Variants in PUS7 observed in about 807,000 individuals in gnomAD.
The protein encoded by PUS7 is pseudouridine synthase 7, also known as pseudouridylate synthase 7 homolog.
PUS7 carries 48 observed loss-of-function variants against 79.8 expected under a neutral mutation model. The observed-to-expected ratio is 0.60, with a 90% CI of 0.48 to 0.76. The LOEUF (loss-of-function observed/expected upper bound fraction) is 0.76, where lower values mean the gene tolerates loss of function less well. Among genes scored for constraint, PUS7 ranks in the 30% least tolerant of loss-of-function variants. The pLI, the probability that PUS7 is intolerant of heterozygous loss-of-function variation, is 0.00. For synonymous variants in PUS7, 286 were observed against 272.2 expected (o/e 1.05, Z -0.50); for missense variants, 729 against 797.6 (o/e 0.91, Z 1.04).
At chr7:105,512,849 C>A (rs1383767710) in intron 1 of PUS7, among the ~76,000 whole-genome samples, 1 of 152,132 alleles carries the variant, frequency 6.6e-6, no homozygotes, top group Non-Finnish European at 1.5e-5. Flanking sequence ...ATAATCTGAT[C>A]TAAGGCTGAA....
chr7:105,483,357 G>T (rs998850545), intron 7 of PUS7, among the ~76,000 whole-genome samples: 3 of 152,004 alleles, frequency 2.0e-5, no homozygotes, highest in Non-Finnish European at 4.4e-5. Context: ...TACAGATGGG[G>T]TTTCACCATG....
At chr7:105,508,048 A>C (rs1825542058) in intron 2 of PUS7, 67 bp downstream of exon 2, 2 of 1,482,048 alleles carry the variant, frequency 1.3e-6, no homozygotes, top group Non-Finnish European at 1.8e-6. Context: ...AAGAATATAA[A>C]GCTAATTTCT....
rs148762138 is a variant in PUS7 at position 105,501,024 on chromosome 7, G to A, written c.730+1396C>T. ...CCTCTGATCTCCACCTCTTCCTCTG[G>A]AACTGCTCAGGTATCTCATCTCTAT... is the stretch of plus-strand genomic sequence containing the variant. On this transcript the variant is annotated intron_variant, in intron 5 of 15. Coordinates refer to ENST00000469408, the MANE Select transcript of PUS7 (RefSeq NM_019042.5). Among the ~76,000 whole-genome samples, 174 of 152,226 alleles carry A rather than the reference G, an allele frequency of 1.1e-3. 2 individuals are homozygous for A. Among genetic ancestry groups the A allele is most frequent in the African/African-American group, 4.0e-3 (167 of 41,544 alleles).
At position 105,479,221 on chromosome 7, in the gene PUS7, T is replaced by C. The variant is rs547182737; in HGVS notation, c.1175+1831A>G. Among the ~76,000 whole-genome samples, 6 of 152,308 alleles carry C rather than the reference T, an allele frequency of 3.9e-5. No homozygotes were observed. In the South Asian group the frequency reaches 1.2e-3, roughly 32 times the overall value. Reference sequence around the variant, plus strand: ...AGTAATTTAAGCCTCAGAACTCAAGTCTGTTTTCACCTGAGCTTTTTAACC... The same window carrying C: ...AGTAATTTAAGCCTCAGAACTCAAGCCTGTTTTCACCTGAGCTTTTTAACC... On this transcript the variant is annotated intron_variant, in intron 9 of 15. Coordinates refer to ENST00000469408, the MANE Select transcript of PUS7 (RefSeq NM_019042.5).
chr7:105,506,421 T>TA, intron 2 of PUS7, 148 bp from the exon 3 acceptor site: 4 of 582,500 alleles, frequency 6.9e-6, no homozygotes, highest in Non-Finnish European at 1.2e-5. Context: ...GAGTTAATTT[T>TA]TTTTTTCTTT....
At chr7:105,504,401 G>A (rs1162234462) in intron 4 of PUS7, among the ~76,000 whole-genome samples, 1 of 151,864 alleles carries the variant, frequency 6.6e-6, no homozygotes, top group African/African-American at 2.4e-5. Context: ...AATAAAAAAT[G>A]AAAAAAATCC....
intron 1 of PUS7, among the ~76,000 whole-genome samples, chr7:105,519,249 T>C (rs537851400): frequency 9.2e-5 from 14 of 152,024 alleles, no homozygotes; most frequent in African/African-American, 3.1e-4. Context: ...TTTTTTTTTT[T>C]TGGAGATGGA....
intron 2 of PUS7, 37 bp downstream of exon 2, chr7:105,508,078 T>C (rs567507489): frequency 6.4e-7 from 1 of 1,567,378 alleles, no homozygotes; most frequent in South Asian, 1.2e-5. Context: ...AGAAACCTAA[T>C]ACAATCAAAA....
Position 105,495,238 on chromosome 7 carries a change from G to A in PUS7, c.746C>T (p.Ser249Phe), listed in dbSNP as rs376767889. The change falls in exon 6 of 16, where the codon TCT (serine) becomes TTT (phenylalanine). Residue 249 changes from serine to phenylalanine, a missense_variant. By Grantham distance (155) the Ser-to-Phe change is radical (BLOSUM62 -2). Coordinates refer to ENST00000469408, the MANE Select transcript of PUS7 (RefSeq NM_019042.5). ...GTAACTTCCCCTAGATTTTGGCCAA[G>A]AATGTTTTCTTGGATCTTGAAAGCA... ...KKALANPRKHSWPKSRGSYCH... is the reference protein window; with the variant it reads ...KKALANPRKHFWPKSRGSYCH... The A allele has an allele frequency of 1.3e-5, 21 of 1,606,310 alleles. No homozygotes were observed. Among genetic ancestry groups the A allele is most frequent in the Middle Eastern group, 1.7e-4 (1 of 5,868 alleles).
At chr7:105,485,757 T>C (rs181871939) in intron 7 of PUS7, among the ~76,000 whole-genome samples, 1 of 152,374 alleles carries the variant, frequency 6.6e-6, no homozygotes, top group East Asian at 1.9e-4. Flanking sequence ...GATTACTCTA[T>C]TCTACCTAGT....
chr7:105,498,578 G>A (rs1240696305), intron 5 of PUS7, among the ~76,000 whole-genome samples: 1 of 152,134 alleles, frequency 6.6e-6, no homozygotes, highest in Non-Finnish European at 1.5e-5. Flanking sequence ...CATGAATAAA[G>A]AAGGAAAAAT....
At chr7:105,480,588 C>G (rs1824281167) in intron 9 of PUS7, among the ~76,000 whole-genome samples, 1 of 152,112 alleles carries the variant, frequency 6.6e-6, no homozygotes, top group Non-Finnish European at 1.5e-5. Flanking sequence ...ACCAGCCTGA[C>G]CAACATGGAG....
intron 8 of PUS7, 69 bp from the exon 9 acceptor site, chr7:105,481,246 T>C (rs1451864085): frequency 2.1e-6 from 3 of 1,415,402 alleles, no homozygotes; most frequent in Non-Finnish European, 2.9e-6. Flanking sequence ...AGCTCATAAA[T>C]GACTACGGCC....
rs79653440 is a variant in PUS7 at position 105,468,563 on chromosome 7, G to A, written c.1399-100C>T. 9.5e-3 allele frequency: 10,720 copies of A among 1,124,126 alleles called. 354 individuals are homozygous for A. The East Asian group carries it at 0.12, about 12-fold the overall frequency. 69.6% of individuals were successfully genotyped at this position (1,124,126 alleles called of 1,614,324 possible). A position where few individuals can be genotyped will look rare whatever the true frequency, so the allele number is the denominator to read the frequency against. Reference sequence around the variant, plus strand: ...GATGGGGTCTTGCTCTCTTGCCCAGGCTGGAGTGCAGTGGCACGATCTAGG... The same window carrying A: ...GATGGGGTCTTGCTCTCTTGCCCAGACTGGAGTGCAGTGGCACGATCTAGG... On this transcript the variant is annotated intron_variant, in intron 11 of 15. Transcript: ENST00000469408.
chr7:105,491,564 G>A lies in PUS7; in HGVS notation c.896C>T (p.Thr299Ile), dbSNP rs748819138. Reference protein sequence around the residue: ...YMGTKDKRAITVQEIAVLKIT... With the variant: ...YMGTKDKRAIIVQEIAVLKIT... ...CTTGAGAACAGCAATTTCTTGAACT[G>A]TTATAGCCCTTTTATCTTTGGTTCC... The change falls in exon 7 of 16, where the codon ACA becomes ATA. Residue 299 changes from threonine to isoleucine, a missense_variant. Thr to Ile is a moderately conservative substitution (Grantham distance 89). Transcript: ENST00000469408. The A allele has an allele frequency of 6.2e-7, 1 of 1,600,844 alleles. No homozygotes were observed. Among genetic ancestry groups the A allele is most frequent in the Non-Finnish European group, 8.6e-7 (1 of 1,168,468 alleles).
intron 15 of PUS7, among the ~76,000 whole-genome samples, chr7:105,458,734 C>T (rs568395335): frequency 2.0e-5 from 3 of 151,966 alleles, no homozygotes; most frequent in South Asian, 2.1e-4. Context: ...CCACCACACC[C>T]GGCTAATTTT....
At chr7:105,470,490 T>C in intron 11 of PUS7, 198 bp downstream of exon 11, 1 of 445,556 alleles carries the variant, frequency 2.2e-6, no homozygotes, top group South Asian at 8.1e-5. Context: ...GTGCCCTCAA[T>C]AAGTAATGCC....
intron 9 of PUS7, among the ~76,000 whole-genome samples, chr7:105,475,331 G>GCC (rs1824049938): frequency 1.3e-5 from 2 of 152,054 alleles, no homozygotes; most frequent in Non-Finnish European, 2.9e-5. Flanking sequence ...GACTACAGGC[G>GCC]CGCGCCACCA....
At chr7:105,462,516 A>T in intron 14 of PUS7, 105 bp downstream of exon 14, 1 of 1,202,426 alleles carries the variant, frequency 8.3e-7, no homozygotes, top group Non-Finnish European at 1.2e-6. Flanking sequence ...GCAATCTGTC[A>T]CTGACTGAAA....
Sources: allele counts gnomAD v4.1 joint callset (sites outside exome capture counted in the v4.1 genomes callset), GRCh38; gene constraint gnomAD v4.1.1; transcripts MANE v1.5; gene names NCBI Gene and HGNC (gene_info 2026-07-23, HGNC 2026-07-21).